CELSR2: variants seen among roughly 807,000 people sequenced by gnomAD.
CELSR2 encodes the protein cadherin EGF LAG seven-pass G-type receptor 2.
Under a neutral mutation model 251.6 loss-of-function variants are expected in CELSR2, and 81 were observed. The observed-to-expected ratio is 0.32, with a 90% CI of 0.27 to 0.39. The LOEUF is 0.39. Ranked by LOEUF, CELSR2 falls within the 10% of genes least tolerant of loss-of-function variation. The pLI is 1.00. For synonymous variants in CELSR2, 1,721 were observed against 1,670.5 expected, an observed-to-expected ratio of 1.03 and a Z score of -0.74; for missense variants, 3,365 against 3,947.7, an observed-to-expected ratio of 0.85 and a Z score of 3.96.
chr1:109,259,256 C>CA (rs1655952474), intron 2 of CELSR2, among the ~76,000 whole-genome samples, 177 bp downstream of exon 2: 1 of 152,238 alleles, frequency 6.6e-6, no homozygotes, highest in Admixed American at 6.5e-5. Flanking sequence ...GAAGGCAGTG[C>CA]AAGGAGTGCT....
chr1:109,250,326 C>G lies in CELSR2; in HGVS notation c.247C>G (p.Leu83Val), dbSNP rs758909080. ...TGCGGGCACTGAGCTGACTGGCCAC[C>G]TGGTACCCCACCACGATGGCCTGAG... ...RDAGTELTGHLVPHHDGLRVW... is the reference protein window; with the variant it reads ...RDAGTELTGHVVPHHDGLRVW... The change falls in exon 1 of 34, where the codon CTG (leucine) becomes GTG (valine). Residue 83 changes from leucine (L) to valine (V), a missense_variant. Leu to Val is a conservative substitution (Grantham distance 32). Transcript: ENST00000271332. The surrounding 1 kb of genome is among the most constrained non-coding windows in gnomAD (Gnocchi z 4.4). 2 of 1,613,502 alleles carry G rather than the reference C, an allele frequency of 1.2e-6. No individual in the cohort carries two copies. Among genetic ancestry groups the G allele is most frequent in the South Asian group, 2.2e-5 (2 of 91,090 alleles).
Position 109,251,684 on chromosome 1 carries a change from T to A in CELSR2, c.1605T>A (p.Gly535=). The A allele has an allele frequency of 6.2e-7, 1 of 1,614,070 alleles. No homozygotes were observed. The highest frequency in any genetic ancestry group is 8.5e-7 in the Non-Finnish European group (1 of 1,180,004). The change falls in exon 1 of 34, where the codon GGT becomes GGA. Residue 535 remains glycine, a synonymous_variant. Coordinates refer to ENST00000271332, the MANE Select transcript of CELSR2 (RefSeq NM_001408.3). This position sits in a 1 kb window ranked among gnomAD's most constrained non-coding sequence, Gnocchi z 4.9. ...TCCAGGCTATCGACGCTGATGCTGG[T>A]GACAATGCCCGCCTGGAATACCGCC... ...LHVQAIDADA[G]DNARLEYRLA...
At position 109,251,108 on chromosome 1, in the gene CELSR2, C is replaced by T. The variant is rs146721276; in HGVS notation, c.1029C>T (p.Asp343=). The change falls in exon 1 of 34, where the codon GAC becomes GAT. Residue 343 remains aspartate, a synonymous_variant. Coordinates refer to ENST00000271332, the MANE Select transcript of CELSR2 (RefSeq NM_001408.3). The surrounding 1 kb of genome is among the most constrained non-coding windows in gnomAD (Gnocchi z 4.9). ...GCCCCTCTGAAGTCTTTGAGATCGA[C>T]CCTCGCTCTGGGGTGATCCGAACCC... The part of the protein sequence containing the change: ...GGSPSEVFEI[D]PRSGVIRTRG... 2.5e-5 allele frequency: 41 copies of T among 1,613,282 alleles called. No homozygotes were observed. Among genetic ancestry groups the T allele is most frequent in the Non-Finnish European group, 3.5e-5 (41 of 1,179,824 alleles).
In CELSR2 at chr1:109,269,376, A is replaced by C. The variant is rs1457107916; in HGVS notation, c.6813-48A>C. ...TGGAGGGGGTCGGGGGCGTCTCCCC[A>C]GTCATGTGACTGCCGTGGTGACTGT... On this transcript the variant is annotated intron_variant, in intron 20 of 33. Coordinates refer to ENST00000271332, the MANE Select transcript of CELSR2 (RefSeq NM_001408.3). The surrounding 1 kb of genome is among the most constrained non-coding windows in gnomAD (Gnocchi z 6.4). 3 of 1,610,342 alleles carry C rather than the reference A, an allele frequency of 1.9e-6. No homozygotes were observed. The highest frequency in any genetic ancestry group is 2.5e-6 in the Non-Finnish European group (3 of 1,177,862).
In CELSR2 at chr1:109,258,588, C is replaced by G; in HGVS notation, c.3467C>G (p.Thr1156Arg). 1 of 1,596,358 alleles carries G rather than the reference C, an allele frequency of 6.3e-7. No homozygotes were observed. Among genetic ancestry groups the G allele is most frequent in the Non-Finnish European group, 8.5e-7 (1 of 1,172,004 alleles). The part of the protein sequence containing the change: ...LGLFIQAVAA[T>R]LATPPDHVVV... The stretch of plus-strand genomic sequence containing the variant: ...CTCTTCATCCAGGCGGTGGCCGCCA[C>G]GCTGGCCACGCCACCGGACCACGTG... Residue 1156 changes from threonine (T) to arginine (R), a missense_variant, in exon 2 of 34, where the codon ACG becomes AGG. Thr to Arg is a moderately conservative substitution (Grantham distance 71). This residue lies in a region of CELSR2 where 505 missense variants were observed against 660.0 expected (regional missense o/e 0.77). Transcript: ENST00000271332.
At position 109,252,210 on chromosome 1, in the gene CELSR2, G is replaced by A; in HGVS notation, c.2131G>A (p.Val711Ile). 1.2e-6 allele frequency: 2 copies of A among 1,613,724 alleles called. No individual in the cohort carries two copies. The highest frequency in any genetic ancestry group is 1.7e-6 in the Non-Finnish European group (2 of 1,180,038). The part of the protein sequence containing the change: ...NVTDANTHRP[V>I]FQSSHYTVNV... Reference sequence around the variant, plus strand: ...CACCGACGCCAACACCCATCGTCCTGTCTTTCAGAGCTCCCACTATACAGT... The same window carrying A: ...CACCGACGCCAACACCCATCGTCCTATCTTTCAGAGCTCCCACTATACAGT... Residue 711 changes from valine to isoleucine, a missense_variant, in exon 1 of 34, where the codon GTC becomes ATC. Around this residue, in one of 5 missense-constraint regions of CELSR2, gnomAD observed 505 missense variants for 660.0 expected, o/e 0.77. Transcript: ENST00000271332. The surrounding 1 kb of genome is among the most constrained non-coding windows in gnomAD (Gnocchi z 4.8).
At position 109,259,074 on chromosome 1, in the gene CELSR2, A is replaced by G. The variant is rs1655946050; in HGVS notation, c.3953A>G (p.Tyr1318Cys). The change falls in exon 2 of 34, where the codon TAC becomes TGC. Residue 1318 changes from tyrosine to cysteine, a missense_variant. Coordinates refer to ENST00000271332, the MANE Select transcript of CELSR2 (RefSeq NM_001408.3). ...GGYTCLCRDG[Y>C]TGEHCEVSAR... ...TACACCTGCCTCTGTCGTGATGGCT[A>G]CACGGGTGAGCCAAGGGAGGGGACT... 3 of 1,577,880 alleles carry G rather than the reference A, an allele frequency of 1.9e-6. No individual in the cohort carries two copies. The highest frequency in any genetic ancestry group is 1.3e-5 in the African/African-American group (1 of 74,478).
In CELSR2 at chr1:109,266,100, C is replaced by T. The variant is rs377689506; in HGVS notation, c.5912-5C>T. On this transcript the variant is annotated splice_region_variant and splice_polypyrimidine_tract_variant and intron_variant, in intron 14 of 33. Transcript: ENST00000271332. ...TCCTGGGTGACCATGTGCTCTTCCC[C>T]GCAGTGAATTATGACAGCTGCCCAC... 89 of 1,613,790 alleles carry T rather than the reference C, an allele frequency of 5.5e-5. No individual in the cohort carries two copies. The highest frequency in any genetic ancestry group is 6.9e-5 in the Non-Finnish European group (81 of 1,179,932).
In CELSR2 at chr1:109,271,619, C is replaced by G. The variant is rs779835657; in HGVS notation, c.7823C>G (p.Ser2608Cys). Residue 2608 changes from serine to cysteine, a missense_variant, in exon 28 of 34, where the codon TCC (serine) becomes TGC (cysteine). By Grantham distance (112) the Ser-to-Cys change is moderately radical (BLOSUM62 -1). Coordinates refer to ENST00000271332, the MANE Select transcript of CELSR2 (RefSeq NM_001408.3). ...TGCCAGGGCCCCTTCATCTTCCTCTCCTATGTGGTGCTTAGCAAGGAGGTC... is the reference window on the plus strand; with the variant it reads ...TGCCAGGGCCCCTTCATCTTCCTCTGCTATGTGGTGCTTAGCAAGGAGGTC... ...NCIQGPFIFL[S>C]YVVLSKEVRK... The G allele has an allele frequency of 6.2e-7, 1 of 1,614,136 alleles. No individual in the cohort carries two copies. The highest frequency in any genetic ancestry group is 8.5e-7 in the Non-Finnish European group (1 of 1,180,040).
In CELSR2 at chr1:109,271,284, A is replaced by T; in HGVS notation, c.7664A>T (p.Lys2555Met). Residue 2555 changes from lysine (K) to methionine (M), a missense_variant, in exon 26 of 34, where the codon AAG becomes ATG. Lys to Met is a moderately conservative substitution (Grantham distance 95). Transcript: ENST00000271332. ...GCTGCCCAGCGGCAGGGCTTTGAGA[A>T]GAAAGGTCCTGTGTGAGTATAGGGT... is the stretch of plus-strand genomic sequence containing the variant. ...SCAAQRQGFE[K>M]KGPVSGLQPS... 6.2e-7 allele frequency: 1 copy of T among 1,613,860 alleles called. No individual in the cohort carries two copies. The highest frequency in any genetic ancestry group is 1.6e-4 in the Middle Eastern group (1 of 6,062).
chr1:109,273,044 G>C lies in CELSR2; in HGVS notation c.8338+17G>C, dbSNP rs1370357001. 1 of 1,602,650 alleles carries C rather than the reference G, an allele frequency of 6.2e-7. No individual in the cohort carries two copies. Among genetic ancestry groups the C allele is most frequent in the East Asian group, 2.2e-5 (1 of 44,694 alleles). ...CTCCCAAGGGTGGGCCAGCACTGGGGCTGTGGCCTTTGGGGCCAGTGGGAG... is the reference window on the plus strand; with the variant it reads ...CTCCCAAGGGTGGGCCAGCACTGGGCCTGTGGCCTTTGGGGCCAGTGGGAG... On this transcript the variant is annotated intron_variant, in intron 31 of 33. Transcript: ENST00000271332.
Position 109,269,914 on chromosome 1 carries a change from C to T in CELSR2, c.7108-19C>T. 1 of 1,614,120 alleles carries T rather than the reference C, an allele frequency of 6.2e-7. No homozygotes were observed. Among genetic ancestry groups the T allele is most frequent in the Non-Finnish European group, 8.5e-7 (1 of 1,180,000 alleles). On this transcript the variant is annotated intron_variant, in intron 22 of 33. Coordinates refer to ENST00000271332, the MANE Select transcript of CELSR2 (RefSeq NM_001408.3). The surrounding 1 kb of genome is among the most constrained non-coding windows in gnomAD (Gnocchi z 6.4). ...CCTGCCCTTCCTAATTCCCTGGCCC[C>T]CTGCCACCTACTCTGCAGAATGGGG...
Position 109,273,151 on chromosome 1 carries a change from T to C in CELSR2, c.8339-15T>C. On this transcript the variant is annotated splice_polypyrimidine_tract_variant and intron_variant, in intron 31 of 33. Coordinates refer to ENST00000271332, the MANE Select transcript of CELSR2 (RefSeq NM_001408.3). Reference sequence around the variant, plus strand: ...CTGCCCTCTGTGGGCCTCATCTACTTCCTTTCCCCACCAGATGGGGGCCCA... The same window carrying C: ...CTGCCCTCTGTGGGCCTCATCTACTCCCTTTCCCCACCAGATGGGGGCCCA... 1.9e-6 allele frequency: 3 copies of C among 1,610,022 alleles called. No homozygotes were observed. Among genetic ancestry groups the C allele is most frequent in the Non-Finnish European group, 2.5e-6 (3 of 1,178,512 alleles).
intron 2 of CELSR2, among the ~76,000 whole-genome samples, chr1:109,259,614 C>A (rs891941390): frequency 5.9e-5 from 9 of 152,168 alleles, no homozygotes; most frequent in Non-Finnish European, 1.0e-4. Flanking sequence ...GTCTCTCCCC[C>A]ACTGAGCGAG....
At position 109,252,221 on chromosome 1, in the gene CELSR2, C is replaced by T; in HGVS notation, c.2142C>T (p.Ser714=). The T allele has an allele frequency of 6.2e-7, 1 of 1,613,656 alleles. No individual in the cohort carries two copies. The change falls in exon 1 of 34, where the codon AGC becomes AGT. Residue 714 remains serine, a synonymous_variant. Transcript: ENST00000271332. This position sits in a 1 kb window ranked among gnomAD's most constrained non-coding sequence, Gnocchi z 4.8. ...ACACCCATCGTCCTGTCTTTCAGAGCTCCCACTATACAGTGAATGTTAATG... is the reference window on the plus strand; with the variant it reads ...ACACCCATCGTCCTGTCTTTCAGAGTTCCCACTATACAGTGAATGTTAATG... The part of the protein sequence containing the change: ...DANTHRPVFQ[S]SHYTVNVNED...
chr1:109,270,475 C>T lies in CELSR2; in HGVS notation c.7358C>T (p.Thr2453Ile). Reference sequence around the variant, plus strand: ...CTGCTGCACTTCCTGTACCTCTGCACCTTTTCCTGGGCTCTGCTGGAGGCC... The same window carrying T: ...CTGCTGCACTTCCTGTACCTCTGCATCTTTTCCTGGGCTCTGCTGGAGGCC... ...AILLHFLYLC[T>I]FSWALLEALH... Residue 2453 changes from threonine (T) to isoleucine (I), a missense_variant, in exon 24 of 34, where the codon ACC becomes ATC. This residue lies in a region of CELSR2 where 2,093 missense variants were observed against 2,382.8 expected (regional missense o/e 0.88). Transcript: ENST00000271332. 1.9e-6 allele frequency: 3 copies of T among 1,614,230 alleles called. No individual in the cohort carries two copies. Among genetic ancestry groups the T allele is most frequent in the Non-Finnish European group, 2.5e-6 (3 of 1,180,042 alleles).
Position 109,261,325 on chromosome 1 carries a change from T to G in CELSR2, c.4181+61T>G, listed in dbSNP as rs1005859530. ...TGGTGGGCATCTGAGGTGCCTCCTGTTCTGTGGTTGAAGTAAGAGGTCAGG... is the reference window on the plus strand; with the variant it reads ...TGGTGGGCATCTGAGGTGCCTCCTGGTCTGTGGTTGAAGTAAGAGGTCAGG... On this transcript the variant is annotated intron_variant, in intron 3 of 33. Transcript: ENST00000271332. This position sits in a 1 kb window ranked among gnomAD's most constrained non-coding sequence, Gnocchi z 4.8. 1.2e-5 allele frequency: 19 copies of G among 1,526,794 alleles called. No homozygotes were observed. Among genetic ancestry groups the G allele is most frequent in the Non-Finnish European group, 1.4e-5 (16 of 1,111,196 alleles). 94.6% of individuals were successfully genotyped at this position (1,526,794 alleles called of 1,614,324 possible).
In CELSR2 at chr1:109,268,635, G is replaced by A; in HGVS notation, c.6373G>A (p.Glu2125Lys). ...GGACACAGCCAACAAGCGGCACTGG[G>A]AGCTGATCCAGCAGACAGAGGGTGG... ...LLDTANKRHWELIQQTEGGTA... is the reference protein window; with the variant it reads ...LLDTANKRHWKLIQQTEGGTA... The change falls in exon 18 of 34, where the codon GAG (glutamate) becomes AAG (lysine). Residue 2125 changes from glutamate (E) to lysine (K), a missense_variant. Around this residue, in one of 5 missense-constraint regions of CELSR2, gnomAD observed 2,093 missense variants for 2,382.8 expected, o/e 0.88. Coordinates refer to ENST00000271332, the MANE Select transcript of CELSR2 (RefSeq NM_001408.3). 1 of 1,613,968 alleles carries A rather than the reference G, an allele frequency of 6.2e-7. No homozygotes were observed. The highest frequency in any genetic ancestry group is 8.5e-7 in the Non-Finnish European group (1 of 1,179,984).
Position 109,269,641 on chromosome 1 carries a change from G to A in CELSR2, c.6980+50G>A, listed in dbSNP as rs1182202718. The stretch of plus-strand genomic sequence containing the variant: ...CTCAGGCTTCGGGCTGAAAGTCCAG[G>A]CCCCTGCATGCCTCACCCTCCTTGT... On this transcript the variant is annotated intron_variant, in intron 21 of 33. Transcript: ENST00000271332. This position sits in a 1 kb window ranked among gnomAD's most constrained non-coding sequence, Gnocchi z 6.4. 3.1e-6 allele frequency: 5 copies of A among 1,613,300 alleles called. No individual in the cohort carries two copies. The highest frequency in any genetic ancestry group is 8.5e-7 in the Non-Finnish European group (1 of 1,179,484).
Sources: gnomAD v4.1 joint callset for allele counts (sites outside exome capture counted in the v4.1 genomes callset) on GRCh38, gnomAD v4.1.1 for gene constraint, gnomAD v4.1.1 regional missense constraint, Gnocchi (gnomAD v3.1) non-coding constraint, MANE v1.5 for transcripts, NCBI Gene and HGNC (gene_info 2026-07-23, HGNC 2026-07-21) for gene names.